PIWIL4: variants seen among roughly 807,000 people sequenced by gnomAD.
PIWIL4 encodes the protein piwi like RNA-mediated gene silencing 4.
PIWIL4 carries 50 observed loss-of-function variants against 100.9 expected under a neutral mutation model. The ratio of observed to expected loss-of-function variants is 0.50; its 90% CI spans 0.39 to 0.63. The LOEUF is 0.63. PIWIL4 is among the 20% of genes least tolerant of loss of function. The probability of loss-of-function intolerance (pLI) is 0.00; values close to 1 mark genes in which losing one functional copy is unlikely to be tolerated. For missense variants in PIWIL4, 887 were observed against 1,043.3 expected (o/e 0.85, Z 2.06); for synonymous variants, 342 against 367.5 (o/e 0.93, Z 0.79).
intron 3 of PIWIL4, 88 bp from the exon 4 acceptor site, chr11:94,577,190 T>C (rs1948249439): frequency 1.8e-6 from 2 of 1,101,852 alleles, no homozygotes; most frequent in African/African-American, 1.6e-5. Flanking sequence ...CTACTATGCA[T>C]AGGCAAATAC....
At chr11:94,610,582 C>T (rs2135297551) in intron 15 of PIWIL4, among the ~76,000 whole-genome samples, 1 of 152,176 alleles carries the variant, frequency 6.6e-6, no homozygotes, top group South Asian at 2.1e-4. Context: ...ATTTGCATTT[C>T]CTTGATGATT....
intron 2 of PIWIL4, among the ~76,000 whole-genome samples, chr11:94,572,280 C>A (rs1948166597): frequency 6.6e-6 from 1 of 152,202 alleles, no homozygotes; most frequent in South Asian, 2.1e-4. Context: ...TGTGCAGAAG[C>A]TCTTTAGTTT....
intron 2 of PIWIL4, among the ~76,000 whole-genome samples, chr11:94,571,499 T>C (rs1005645807): frequency 6.6e-6 from 1 of 152,306 alleles, no homozygotes; most frequent in Non-Finnish European, 1.5e-5. Flanking sequence ...AGTGTTCTCA[T>C]TGTTTAATTC....
In PIWIL4 at chr11:94,589,153, T is replaced by TTGAC. The variant is rs1177371908; in HGVS notation, c.950_953dup (p.Trp318Ter). On this transcript the variant is annotated frameshift_variant, in exon 8 of 20. Transcript: ENST00000299001. LOFTEE classifies it high-confidence loss of function. Reference sequence around the variant, plus strand: ...AACAGAACCTACTCCATTGATGACATTGACTGGTCAGTGAAGCCCACACAC... The same window carrying TTGAC: ...AACAGAACCTACTCCATTGATGACATTGACTGACTGGTCAGTGAAGCCCACACAC... The TTGAC allele has an allele frequency of 6.2e-7, 1 of 1,612,522 alleles. No homozygotes were observed. Among genetic ancestry groups the TTGAC allele is most frequent in the East Asian group, 2.2e-5 (1 of 44,890 alleles).
intron 13 of PIWIL4, 67 bp from the exon 14 acceptor site, chr11:94,607,372 C>G: frequency 7.1e-7 from 1 of 1,417,546 alleles, no homozygotes; most frequent in Non-Finnish European, 9.8e-7. Flanking sequence ...GAATTCATTT[C>G]TTTAAAAAGC....
At chr11:94,595,220 C>A in intron 9 of PIWIL4, 89 bp from the exon 10 acceptor site, 2 of 954,684 alleles carry the variant, frequency 2.1e-6, no homozygotes, top group Non-Finnish European at 3.3e-6. Context: ...ATGGTGAATG[C>A]ATTCAAGTGG....
At chr11:94,611,051 T>C (rs1375470952) in intron 15 of PIWIL4, among the ~76,000 whole-genome samples, 2 of 152,236 alleles carry the variant, frequency 1.3e-5, no homozygotes, top group African/African-American at 4.8e-5. Context: ...TTGTGTATTG[T>C]TGGTGTTTTT....
rs112236146 is a variant in PIWIL4, at chr11:94,619,578, C to A, written c.2169-182C>A. On this transcript the variant is annotated intron_variant, in intron 17 of 19. Transcript: ENST00000299001. ...TCCTTTTGCAACAAATACGGACAATCCCTAATTTAAAAAATTGTATGTATC... is the reference window on the plus strand; with the variant it reads ...TCCTTTTGCAACAAATACGGACAATACCTAATTTAAAAAATTGTATGTATC... Among the ~76,000 whole-genome samples, 394 of 152,150 alleles carry A rather than the reference C, an allele frequency of 2.6e-3. 5 individuals carry two copies. The highest frequency in any genetic ancestry group is 9.0e-3 in the African/African-American group (374 of 41,488).
At chr11:94,578,681 A>G (rs1282108122) in intron 4 of PIWIL4, among the ~76,000 whole-genome samples, 1 of 152,232 alleles carries the variant, frequency 6.6e-6, no homozygotes, top group South Asian at 2.1e-4. Context: ...ATCATAGCAG[A>G]ATTCATATTG....
intron 8 of PIWIL4, among the ~76,000 whole-genome samples, chr11:94,592,343 G>C (rs1210926849): frequency 1.3e-5 from 2 of 152,160 alleles, no homozygotes; most frequent in Non-Finnish European, 2.9e-5. Flanking sequence ...AGCATTGTTT[G>C]TGCTTCTTGT....
chr11:94,582,573 A>C (rs988366370), intron 4 of PIWIL4, among the ~76,000 whole-genome samples: 1 of 152,170 alleles, frequency 6.6e-6, no homozygotes, highest in African/African-American at 2.4e-5. Flanking sequence ...CCTTTGAAAA[A>C]TCCATGATCA....
Position 94,575,179 on chromosome 11 carries a change from T to C in PIWIL4, c.298+49T>C, listed in dbSNP as rs192071770. 1.6e-4 allele frequency: 259 copies of C among 1,576,618 alleles called. No individual in the cohort carries two copies. In the African/African-American group the frequency reaches 3.3e-3, roughly 20 times the overall value. Reference sequence around the variant, plus strand: ...TTTTTTAATGTTACCAAATCTTGCTTAAGGACTTCCAAATTCTAGGTCTAA... The same window carrying C: ...TTTTTTAATGTTACCAAATCTTGCTCAAGGACTTCCAAATTCTAGGTCTAA... On this transcript the variant is annotated intron_variant, in intron 3 of 19. Coordinates refer to ENST00000299001, the MANE Select transcript of PIWIL4 (RefSeq NM_152431.3).
chr11:94,569,374 TTTTG>T (rs1555029129), intron 2 of PIWIL4, among the ~76,000 whole-genome samples: 7 of 151,598 alleles, frequency 4.6e-5, no homozygotes, highest in Non-Finnish European at 7.4e-5. Flanking sequence ...TGTTTTTTTT[TTTTG>T]TTTGTTTGTT....
Position 94,591,908 on chromosome 11 carries a change from G to A in PIWIL4, c.1027-1610G>A, listed in dbSNP as rs920625264. Among the ~76,000 whole-genome samples the A allele has an allele frequency of 5.9e-5, 9 of 152,238 alleles. No individual in the cohort carries two copies. The South Asian group carries it at 1.7e-3, about 28-fold the overall frequency. ...TAAGAAAATTGGGGCAAGGGAGAGGGTCACATTTACCTTGTGAGAGCAGGT... is the reference window on the plus strand; with the variant it reads ...TAAGAAAATTGGGGCAAGGGAGAGGATCACATTTACCTTGTGAGAGCAGGT... On this transcript the variant is annotated intron_variant, in intron 8 of 19. Coordinates refer to ENST00000299001, the MANE Select transcript of PIWIL4 (RefSeq NM_152431.3).
intron 17 of PIWIL4, among the ~76,000 whole-genome samples, chr11:94,618,646 AT>A (rs1948871842): frequency 6.6e-6 from 1 of 152,162 alleles, no homozygotes; most frequent in South Asian, 2.1e-4. Context: ...TCAGTACAAA[AT>A]TTTCTGCAGT....
intron 15 of PIWIL4, among the ~76,000 whole-genome samples, chr11:94,614,994 T>G (rs1016541081): frequency 5.9e-5 from 9 of 152,186 alleles, no homozygotes; most frequent in Non-Finnish European, 8.8e-5. Context: ...CAAATGTGGT[T>G]GGGGAGCCAG....
chr11:94,570,703 T>C (rs1591771879), intron 2 of PIWIL4, among the ~76,000 whole-genome samples: 1 of 151,996 alleles, frequency 6.6e-6, no homozygotes, highest in African/African-American at 2.4e-5. Flanking sequence ...CCAGCCTGGC[T>C]AACATGGTGA....
At chr11:94,589,814 C>T (rs1948458483) in intron 8 of PIWIL4, among the ~76,000 whole-genome samples, 1 of 152,196 alleles carries the variant, frequency 6.6e-6, no homozygotes, top group Admixed American at 6.5e-5. Context: ...CAGGTCATCA[C>T]AGGCACCACA....
At chr11:94,585,162 G>T (rs1948380908) in intron 5 of PIWIL4, among the ~76,000 whole-genome samples, 1 of 152,192 alleles carries the variant, frequency 6.6e-6, no homozygotes, top group Non-Finnish European at 1.5e-5. Context: ...AAGCTAACCA[G>T]AATGTTACTA....
Sources: gnomAD v4.1 joint callset for allele counts (sites outside exome capture counted in the v4.1 genomes callset) on GRCh38, gnomAD v4.1.1 for gene constraint, MANE v1.5 for transcripts, NCBI Gene and HGNC (gene_info 2026-07-23, HGNC 2026-07-21) for gene names.